CUL2: variants seen among roughly 807,000 people sequenced by gnomAD.
CUL2 encodes the protein cullin 2.
In CUL2, 22 loss-of-function variants were observed where a neutral mutation model predicts 110.2. The ratio of observed to expected loss-of-function variants is 0.20; its 90% CI spans 0.14 to 0.28. The LOEUF (loss-of-function observed/expected upper bound fraction) is 0.28. Ranked by LOEUF, CUL2 falls within the 10% of genes least tolerant of loss-of-function variation. The pLI is 1.00. For synonymous variants in CUL2, 279 were observed against 293.2 expected, an observed-to-expected ratio of 0.95 and a Z score of 0.49; for missense variants, 631 against 905.5, an observed-to-expected ratio of 0.70 and a Z score of 3.89.
intron 1 of CUL2, among the ~76,000 whole-genome samples, chr10:35,125,568 G>T (rs765230951): frequency 2.0e-5 from 3 of 152,182 alleles, no homozygotes; most frequent in Non-Finnish European, 4.4e-5. Flanking sequence ...TGACACTACA[G>T]TAACTGATAT....
chr10:35,020,649 C>G (rs978751397), intron 17 of CUL2, among the ~76,000 whole-genome samples: 1 of 152,156 alleles, frequency 6.6e-6, no homozygotes, highest in Non-Finnish European at 1.5e-5. Flanking sequence ...CAGCAACTGA[C>G]CAGCAATCTC....
At position 35,039,408 on chromosome 10, in the gene CUL2, T is replaced by A. The variant is rs182221184; in HGVS notation, c.715-326A>T. 1.3e-3 allele frequency among the ~76,000 whole-genome samples: 187 copies of A among 149,374 alleles called. 2 individuals carry two copies. The highest frequency in any genetic ancestry group is 0.01 in the Admixed American group (151 of 14,810). ...GGAAAAGTGGGTACAGATGATTAAA[T>A]TCAGAACAGGTGATCTCTGTTATGA... On this transcript the variant is annotated intron_variant, in intron 8 of 20. Transcript: ENST00000374749.
intron 4 of CUL2, among the ~76,000 whole-genome samples, chr10:35,060,462 T>C (rs914226085): frequency 1.3e-5 from 2 of 152,154 alleles, no homozygotes; most frequent in African/African-American, 4.8e-5. Flanking sequence ...CAGTAATTTA[T>C]CTAACATCGT....
intron 3 of CUL2, 144 bp downstream of exon 3, chr10:35,062,816 A>G: frequency 1.8e-6 from 1 of 545,056 alleles, no homozygotes; most frequent in Non-Finnish European, 3.2e-6. Flanking sequence ...TAGCCTGGGC[A>G]ACAGAGCAAG....
At chr10:35,068,306 C>A (rs982795557) in intron 2 of CUL2, among the ~76,000 whole-genome samples, 1 of 152,070 alleles carries the variant, frequency 6.6e-6, no homozygotes, top group Admixed American at 6.6e-5. Context: ...CTTTTAATCC[C>A]AGACACTCGG....
chr10:35,115,474 C>T (rs1165306402), intron 1 of CUL2, among the ~76,000 whole-genome samples: 9 of 152,118 alleles, frequency 5.9e-5, no homozygotes, highest in African/African-American at 2.2e-4. Flanking sequence ...GCAGGAAAAT[C>T]GCTTGAACCT....
intron 16 of CUL2, among the ~76,000 whole-genome samples, chr10:35,026,383 CAATTTAT>C (rs1425254861): frequency 6.6e-6 from 1 of 152,180 alleles, no homozygotes; most frequent in Non-Finnish European, 1.5e-5. Flanking sequence ...ATATAATTCA[CAATTTAT>C]AACACATTTA....
rs117049502 is a variant in CUL2 at position 35,105,531 on chromosome 10, C to T, written c.-50-4471G>A. On this transcript the variant is annotated intron_variant, in intron 1 of 5. Transcript: ENST00000685421. The stretch of plus-strand genomic sequence containing the variant: ...CCATCCTGGCTAACACAGTGGAAAC[C>T]CGTCTCTACTAAAAAAATACAAAAA... 1.6e-3 allele frequency among the ~76,000 whole-genome samples: 238 copies of T among 151,136 alleles called. No individual in the cohort carries two copies. In the East Asian group the frequency reaches 0.019, roughly 12 times the overall value.
At chr10:35,016,843 CT>C (rs1434298429) in intron 17 of CUL2, among the ~76,000 whole-genome samples, 3 of 150,172 alleles carry the variant, frequency 2.0e-5, no homozygotes, top group Non-Finnish European at 4.4e-5. Flanking sequence ...AGGAAAATCA[CT>C]TGAACCTGGG....
At chr10:35,056,582 A>G (rs1321602639) in intron 4 of CUL2, among the ~76,000 whole-genome samples, 1 of 152,092 alleles carries the variant, frequency 6.6e-6, no homozygotes, top group East Asian at 1.9e-4. Flanking sequence ...CTGAGGGTAT[A>G]TCGTGTGCCA....
chr10:35,042,159 C>G (rs1315198419), intron 8 of CUL2, among the ~76,000 whole-genome samples: 2 of 151,470 alleles, frequency 1.3e-5, no homozygotes, highest in African/African-American at 2.5e-5. Context: ...CATTAAGTAA[C>G]AACTCCTCAC....
In CUL2 at chr10:35,016,164, T is replaced by C. The variant is rs544221315; in HGVS notation, c.1887+28A>G. On this transcript the variant is annotated intron_variant, in intron 18 of 20. Transcript: ENST00000374749. ...GAAAAAGCTTTAATGCTGATGATGC[T>C]TAAATTCTTTGGAATATTACTACAT... is the stretch of plus-strand genomic sequence containing the variant. 115 of 1,577,802 alleles carry C rather than the reference T, an allele frequency of 7.3e-5. 1 individual carries two copies. The East Asian group carries it at 2.1e-3, about 29-fold the overall frequency.
intron 5 of CUL2, among the ~76,000 whole-genome samples, chr10:35,050,706 T>G (rs2086080797): frequency 6.6e-6 from 1 of 152,200 alleles, no homozygotes; most frequent in Non-Finnish European, 1.5e-5. Flanking sequence ...AAATATGCCA[T>G]GATTTATTTT....
At chr10:35,033,752 ACAAC>A (rs1199182924) in intron 10 of CUL2, among the ~76,000 whole-genome samples, 4 of 12,242 alleles carry the variant, frequency 3.3e-4, no homozygotes, top group African/African-American at 7.0e-4. Context: ...AACAACAACA[ACAAC>A]AAAAAAAAAA....
chr10:35,108,956 T>C (rs1308683411), intron 1 of CUL2, among the ~76,000 whole-genome samples: 1 of 152,206 alleles, frequency 6.6e-6, no homozygotes, highest in East Asian at 1.9e-4. Flanking sequence ...ATCATGCCTG[T>C]AATCCCAGCA....
At chr10:35,104,041 C>A (rs770715832) in intron 1 of CUL2, among the ~76,000 whole-genome samples, 3 of 152,190 alleles carry the variant, frequency 2.0e-5, no homozygotes, top group Non-Finnish European at 4.4e-5. Context: ...CTGTCTCCAA[C>A]ATCTGGAAAA....
In CUL2 at chr10:35,033,238, C is replaced by A. The variant is rs551758469; in HGVS notation, c.1038G>T (p.Val346=). The A allele has an allele frequency of 1.2e-6, 2 of 1,613,540 alleles. No individual in the cohort carries two copies. Among genetic ancestry groups the A allele is most frequent in the Non-Finnish European group, 1.7e-6 (2 of 1,179,800 alleles). ...PTLFVESVLE[V]HGKFVQLINT... ...TGATAAGCTGAACAAATTTACCATG[C>A]ACTTCCAAAACTGACTCCACAAATA... Residue 346 remains valine, a synonymous_variant, in exon 11 of 21, where the codon GTG becomes GTT. Transcript: ENST00000374749.
intron 17 of CUL2, 101 bp downstream of exon 17, chr10:35,025,031 A>C: frequency 7.5e-7 from 1 of 1,341,736 alleles, no homozygotes; most frequent in East Asian, 2.9e-5. Flanking sequence ...ATGGAGGAGA[A>C]AAGGTTAAAA....
chr10:35,013,714 C>A lies in CUL2; in HGVS notation c.1974G>T (p.Gln658His), dbSNP rs1232647884. ...AAGCACTTACTTGTGGTGTGTCTTT[C>A]TGCATTGATGTAGTAATTTTAAATT... ...RTKFKITTSM[Q>H]KDTPQEMEQT... The change falls in exon 19 of 21, where the codon CAG becomes CAT. Residue 658 changes from glutamine to histidine, a missense_variant. Gln to His is a conservative substitution (Grantham distance 24). Transcript: ENST00000374749. 1.3e-6 allele frequency: 2 copies of A among 1,565,858 alleles called. No individual in the cohort carries two copies. Among genetic ancestry groups the A allele is most frequent in the Non-Finnish European group, 1.7e-6 (2 of 1,152,942 alleles).
Sources: allele counts gnomAD v4.1 joint callset (sites outside exome capture counted in the v4.1 genomes callset), GRCh38; gene constraint gnomAD v4.1.1; transcripts MANE v1.5; gene names NCBI Gene and HGNC (gene_info 2026-07-23, HGNC 2026-07-21).